The following LDLRAD4 variants were observed in gnomAD, a reference collection of about 807,000 sequenced individuals.
LDLRAD4 encodes the protein low density lipoprotein receptor class A domain containing 4.
LDLRAD4 carries 5 observed loss-of-function variants against 17.0 expected under a neutral mutation model. That is an observed-to-expected ratio of 0.29 (90% CI 0.15 to 0.62). LDLRAD4 has a LOEUF of 0.62. LDLRAD4 is among the 20% of genes least tolerant of loss of function. LDLRAD4 has a pLI of 0.84. For synonymous variants in LDLRAD4, 168 were observed against 171.8 expected (o/e 0.98, Z 0.17); for missense variants, 340 against 424.7 (o/e 0.80, Z 1.75).
chr18:13,564,298 G>A (rs539985596), intron 3 of LDLRAD4, among the ~76,000 whole-genome samples: 107 of 152,292 alleles, frequency 7.0e-4, no homozygotes, highest in Non-Finnish European at 1.4e-3. Flanking sequence ...TTTGGAGGAT[G>A]GCTGCTATTC....
At chr18:13,523,636 G>T (rs1042723368) in intron 3 of LDLRAD4, among the ~76,000 whole-genome samples, 4 of 152,196 alleles carry the variant, frequency 2.6e-5, no homozygotes, top group Non-Finnish European at 5.9e-5. Context: ...CCACTGGCCA[G>T]AGCGTCTCCC....
chr18:13,479,185 A>G (rs1600684834), intron 3 of LDLRAD4, among the ~76,000 whole-genome samples: 1 of 152,230 alleles, frequency 6.6e-6, no homozygotes, highest in Admixed American at 6.5e-5. Context: ...AGAAGATAAC[A>G]TAGGAGAAAA....
At chr18:13,574,080 G>A (rs1247701891) in intron 3 of LDLRAD4, among the ~76,000 whole-genome samples, 1 of 152,174 alleles carries the variant, frequency 6.6e-6, no homozygotes, top group Non-Finnish European at 1.5e-5. Context: ...GACCACTGTG[G>A]GGAAGGCTCT....
intron 1 of LDLRAD4, among the ~76,000 whole-genome samples, chr18:13,341,271 T>G (rs2082360462): frequency 6.6e-6 from 1 of 152,088 alleles, no homozygotes; most frequent in East Asian, 1.9e-4. Flanking sequence ...GCAAAAACCA[T>G]TGTTGGAATT....
In LDLRAD4 at chr18:13,440,611, C is replaced by G. The variant is rs2146205181; in HGVS notation, c.181+2227C>G. 6.6e-6 allele frequency among the ~76,000 whole-genome samples: 1 copy of G among 152,280 alleles called. No homozygotes were observed. Among genetic ancestry groups the G allele is most frequent in the South Asian group, 2.1e-4 (1 of 4,826 alleles). On this transcript the variant is annotated intron_variant, in intron 3 of 5. Coordinates refer to ENST00000359446, the Ensembl canonical transcript of LDLRAD4. The surrounding 1 kb of genome is among the most constrained non-coding windows in gnomAD (Gnocchi z 4.4). ...ACTGTGGCTGTGGCTTCAGATTGAT[C>G]TGGGTTCAAGGTTCGGCCTAGGGGA...
intron 1 of LDLRAD4, among the ~76,000 whole-genome samples, chr18:13,284,752 G>A (rs966074839): frequency 1.8e-4 from 27 of 152,226 alleles, no homozygotes; most frequent in African/African-American, 5.5e-4. Flanking sequence ...CTCCCTGTCC[G>A]TTTTCCGCCT....
chr18:13,640,833 G>C (rs568746834), intron 4 of LDLRAD4, among the ~76,000 whole-genome samples: 4 of 152,352 alleles, frequency 2.6e-5, no homozygotes, highest in South Asian at 4.1e-4. Flanking sequence ...ATGAGAGAGG[G>C]AACGGAGAAG....
At chr18:13,220,722 A>G (rs1468280125) in intron 1 of LDLRAD4, among the ~76,000 whole-genome samples, 2 of 152,228 alleles carry the variant, frequency 1.3e-5, no homozygotes, top group African/African-American at 4.8e-5. Context: ...TTGACTTAGC[A>G]GCCTGGCAGA....
rs562690965 is a variant in LDLRAD4 at position 13,232,562 on chromosome 18, G to T, written c.-467+13574G>T. On this transcript the variant is annotated intron_variant, in intron 1 of 5. Coordinates refer to the LDLRAD4 transcript ENST00000399848. ...CTTCCCTGCGTGGCCTTGTCCGGGG[G>T]CTGCTGCTGCCCCGTGCTGTGCTCC... Among the ~76,000 whole-genome samples, 147 of 152,122 alleles carry T rather than the reference G, an allele frequency of 9.7e-4. 1 individual carries two copies. Among genetic ancestry groups the T allele is most frequent in the Non-Finnish European group, 8.7e-4 (59 of 68,006 alleles).
At chr18:13,612,388 C>T (rs1473686675) in intron 3 of LDLRAD4, 8 of 1,187,686 alleles carry the variant, frequency 6.7e-6, no homozygotes, top group Admixed American at 4.0e-5. Flanking sequence ...CTCGGTGACA[C>T]GGCCGGCTTC....
At chr18:13,497,174 TAAAG>T (rs1026027446) in intron 3 of LDLRAD4, among the ~76,000 whole-genome samples, 4 of 152,186 alleles carry the variant, frequency 2.6e-5, no homozygotes, top group Non-Finnish European at 5.9e-5. Context: ...TATTTCAACT[TAAAG>T]AAGGGTTCTT....
intron 1 of LDLRAD4, among the ~76,000 whole-genome samples, chr18:13,343,367 A>G (rs1416866583): frequency 1.3e-5 from 2 of 151,562 alleles, no homozygotes; most frequent in East Asian, 1.9e-4. Flanking sequence ...TTTGCTGAGA[A>G]TGATGGTTTC....
chr18:13,313,745 T>G (rs2080779835), intron 1 of LDLRAD4, among the ~76,000 whole-genome samples: 1 of 152,154 alleles, frequency 6.6e-6, no homozygotes, highest in African/African-American at 2.4e-5. Context: ...TTGAGGACAG[T>G]GACGGTTTCT....
At chr18:13,571,762 A>G (rs947263042) in intron 3 of LDLRAD4, among the ~76,000 whole-genome samples, 5 of 152,062 alleles carry the variant, frequency 3.3e-5, no homozygotes, top group East Asian at 3.9e-4. Flanking sequence ...TCAGCCTCCC[A>G]AGTAGCTGGG....
At chr18:13,268,532 C>CG (rs2044350677) in intron 1 of LDLRAD4, among the ~76,000 whole-genome samples, 1 of 152,216 alleles carries the variant, frequency 6.6e-6, no homozygotes, top group Non-Finnish European at 1.5e-5. Context: ...TGGAATGCAG[C>CG]CTTGTTAAGT....
At chr18:13,261,100 A>C (rs749587161) in intron 1 of LDLRAD4, among the ~76,000 whole-genome samples, 3 of 152,166 alleles carry the variant, frequency 2.0e-5, no homozygotes, top group Non-Finnish European at 4.4e-5. Context: ...GTGGGCTTTC[A>C]GAGCTCAGCT....
At chr18:13,318,004 C>T (rs1177950960) in intron 1 of LDLRAD4, among the ~76,000 whole-genome samples, 1 of 152,156 alleles carries the variant, frequency 6.6e-6, no homozygotes, top group African/African-American at 2.4e-5. Context: ...ATTTGTCTCT[C>T]TGTGTCATCT....
At chr18:13,583,722 G>A (rs901539659) in intron 3 of LDLRAD4, among the ~76,000 whole-genome samples, 1 of 152,140 alleles carries the variant, frequency 6.6e-6, no homozygotes, top group Non-Finnish European at 1.5e-5. Flanking sequence ...AGTAGTGTTG[G>A]GGGGCCCGGC....
intron 3 of LDLRAD4, among the ~76,000 whole-genome samples, chr18:13,447,359 G>A (rs879679805): frequency 1.4e-5 from 2 of 145,544 alleles, no homozygotes; most frequent in African/African-American, 2.5e-5. Context: ...TCCCAGTCCC[G>A]CCCCTTGTGT....
Sources: allele counts gnomAD v4.1 joint callset (sites outside exome capture counted in the v4.1 genomes callset), GRCh38; gene constraint gnomAD v4.1.1; non-coding constraint Gnocchi (gnomAD v3.1); transcripts MANE v1.5; gene names NCBI Gene and HGNC (gene_info 2026-07-23, HGNC 2026-07-21).